Variants in TRAK1 observed in about 807,000 individuals in gnomAD.
TRAK1 encodes the protein trafficking kinesin protein 1, also known as trafficking kinesin-binding protein 1.
TRAK1 carries 33 observed loss-of-function variants against 92.1 expected under a neutral mutation model. The ratio of observed to expected loss-of-function variants is 0.36; its 90% confidence interval spans 0.27 to 0.48. TRAK1 has a LOEUF of 0.48. Among genes scored for constraint, TRAK1 ranks in the 20% least tolerant of loss-of-function variants. The pLI, the probability that TRAK1 is intolerant of heterozygous loss-of-function variation, is 0.99. For synonymous variants in TRAK1, 521 were observed against 517.3 expected (o/e 1.01, Z -0.10); for missense variants, 1,123 against 1,257.9 (o/e 0.89, Z 1.62).
chr3:42,054,904 A>ATTTTTTTTTTTTGTTTTT (rs1703136266), intron 1 of TRAK1, among the ~76,000 whole-genome samples: 1 of 37,086 alleles, frequency 2.7e-5, no homozygotes, highest in African/African-American at 9.0e-5. Flanking sequence ...AGCAAACTAG[A>ATTTTTTTTTTTTGTTTTT]TTTTTTTTTT....
chr3:42,190,839 C>T (rs1168956800), intron 6 of TRAK1, among the ~76,000 whole-genome samples: 1 of 151,868 alleles, frequency 6.6e-6, no homozygotes, highest in Non-Finnish European at 1.5e-5. Context: ...GTCACCCACG[C>T]TGGAGTACAG....
At chr3:42,217,493 G>A (rs1053935834) in intron 14 of TRAK1, 20 of 985,244 alleles carry the variant, frequency 2.0e-5, no homozygotes, top group East Asian at 2.3e-4. Flanking sequence ...ATGCAACTAC[G>A]TCTCTAAAAT....
chr3:42,037,552 C>T (rs1702371471), intron 1 of TRAK1, among the ~76,000 whole-genome samples: 1 of 152,202 alleles, frequency 6.6e-6, no homozygotes, highest in African/African-American at 2.4e-5. Context: ...GACATTAATG[C>T]AATTTCACAA....
intron 2 of TRAK1, among the ~76,000 whole-genome samples, chr3:42,169,712 C>G (rs1256229424): frequency 6.6e-6 from 1 of 151,734 alleles, no homozygotes; most frequent in Non-Finnish European, 1.5e-5. Context: ...ATAAGTTACT[C>G]TCAGCACTGT....
intron 1 of TRAK1, among the ~76,000 whole-genome samples, chr3:42,123,327 G>A (rs554745070): frequency 6.6e-6 from 1 of 152,312 alleles, no homozygotes; most frequent in East Asian, 1.9e-4. Context: ...CTGCCTTTCT[G>A]CCTTCCTGCC....
intron 2 of TRAK1, among the ~76,000 whole-genome samples, chr3:42,153,211 G>A (rs78758311): frequency 1.4e-3 from 213 of 152,122 alleles, no homozygotes; most frequent in African/African-American, 4.7e-3. Flanking sequence ...TGAGAGCAGC[G>A]TGGGTAACAT....
rs1705059882 is a variant in TRAK1 at position 42,091,541 on chromosome 3, C to T, written c.72C>T (p.Leu24=). The change falls in exon 1 of 16, where the codon CTC becomes CTT. Residue 24 remains leucine (L), a synonymous_variant. Coordinates refer to ENST00000327628, the MANE Select transcript of TRAK1 (RefSeq NM_001042646.3). ...TGCCAGGACTCTGCCACGGCAAGCT[C>T]ATTCGGACAAACGCCTGTGGTAAGT... ...QPLPGLCHGK[L]IRTNACDVCN... 2 of 1,612,522 alleles carry T rather than the reference C, an allele frequency of 1.2e-6. No homozygotes were observed. The highest frequency in any genetic ancestry group is 1.7e-6 in the Non-Finnish European group (2 of 1,179,696).
chr3:42,084,929 C>T (rs554885598), upstream of TRAK1, among the ~76,000 whole-genome samples: 14 of 152,058 alleles, frequency 9.2e-5, no homozygotes, highest in Admixed American at 9.2e-4. Flanking sequence ...TCCTACCCAT[C>T]CTTCCCATTT....
At chr3:42,127,213 A>T (rs1710681624) in intron 2 of TRAK1, among the ~76,000 whole-genome samples, 1 of 152,210 alleles carries the variant, frequency 6.6e-6, no homozygotes, top group Admixed American at 6.5e-5. Context: ...AGAGAATAGT[A>T]GAGTTTGTAA....
rs562694359 is a variant in TRAK1 at position 42,064,588 on chromosome 3, A to G, written c.-518-22516A>G. The stretch of plus-strand genomic sequence containing the variant: ...TTCATTATGAACTTATTATGGAAAT[A>G]CAAATACATAATAAATACTTTAAGC... On this transcript the variant is annotated intron_variant, in intron 1 of 16. Coordinates refer to the TRAK1 transcript ENST00000487159. Among the ~76,000 whole-genome samples, 13 of 152,350 alleles carry G rather than the reference A, an allele frequency of 8.5e-5. No homozygotes were observed. In the South Asian group the frequency reaches 2.5e-3, roughly 29 times the overall value.
At chr3:42,067,970 G>A (rs899658712) in intron 1 of TRAK1, among the ~76,000 whole-genome samples, 1 of 151,954 alleles carries the variant, frequency 6.6e-6, no homozygotes, top group Non-Finnish European at 1.5e-5. Context: ...TCAGGAGTTC[G>A]AGACCAGCCT....
chr3:42,075,548 T>C (rs1007600734), intron 1 of TRAK1, among the ~76,000 whole-genome samples: 8 of 152,200 alleles, frequency 5.3e-5, no homozygotes, highest in Non-Finnish European at 8.8e-5. Flanking sequence ...TTTTAAATTC[T>C]TTGATAAATC....
chr3:42,055,653 G>C (rs1446234420), intron 1 of TRAK1, among the ~76,000 whole-genome samples: 1 of 152,072 alleles, frequency 6.6e-6, no homozygotes, highest in African/African-American at 2.4e-5. Context: ...TTGTAAAGAT[G>C]GAGTCTCCTT....
chr3:42,028,851 T>C (rs975849286), intron 1 of TRAK1, among the ~76,000 whole-genome samples: 11 of 152,150 alleles, frequency 7.2e-5, no homozygotes, highest in Non-Finnish European at 1.3e-4. Flanking sequence ...CAAGAATTGA[T>C]TGATTTTTAG....
At chr3:42,057,689 C>T (rs1018573435) in intron 1 of TRAK1, among the ~76,000 whole-genome samples, 38 of 152,012 alleles carry the variant, frequency 2.5e-4, no homozygotes, top group African/African-American at 8.7e-4. Context: ...AAGGCGAGCA[C>T]TGACCTGCTG....
intron 1 of TRAK1, among the ~76,000 whole-genome samples, chr3:42,068,090 C>T (rs1256949704): frequency 3.3e-5 from 5 of 151,126 alleles, no homozygotes; most frequent in African/African-American, 9.8e-5. Flanking sequence ...ACCTGGGAGG[C>T]GGAGGTTGCA....
chr3:42,104,462 A>G (rs1156418456), intron 1 of TRAK1, among the ~76,000 whole-genome samples: 3 of 152,052 alleles, frequency 2.0e-5, no homozygotes, highest in Non-Finnish European at 2.9e-5. Flanking sequence ...GCCGACTGAC[A>G]CCTCATACAG....
chr3:42,013,382 C>G (rs1423931289), upstream of TRAK1, among the ~76,000 whole-genome samples: 6 of 152,104 alleles, frequency 3.9e-5, no homozygotes, highest in African/African-American at 1.4e-4. The surrounding 1 kb of genome is among the most constrained non-coding windows in gnomAD (Gnocchi z 5.1). Context: ...AATAAGCGCT[C>G]GGGGAGGGAT....
At chr3:42,207,804 C>T (rs1447793139) in intron 13 of TRAK1, among the ~76,000 whole-genome samples, 1 of 152,168 alleles carries the variant, frequency 6.6e-6, no homozygotes, top group East Asian at 1.9e-4. Context: ...TCCACAGCTT[C>T]CTTCAGATTC....
Sources: gnomAD v4.1 joint callset for allele counts (sites outside exome capture counted in the v4.1 genomes callset) on GRCh38, gnomAD v4.1.1 for gene constraint, Gnocchi (gnomAD v3.1) non-coding constraint, MANE v1.5 for transcripts, NCBI Gene and HGNC (gene_info 2026-07-23, HGNC 2026-07-21) for gene names.